The following CLIC2 variants were observed in gnomAD, a reference collection of about 807,000 sequenced individuals.
CLIC2 encodes the protein chloride intracellular channel protein 2.
In CLIC2, 9 loss-of-function variants were observed where a neutral mutation model predicts 14.8. The ratio of observed to expected loss-of-function variants is 0.61; its 90% CI spans 0.37 to 1.06. The LOEUF is 1.06. CLIC2 is among the 50% of genes least tolerant of loss of function. CLIC2 has a pLI of 0.01. For missense variants in CLIC2, 148 were observed against 181.4 expected (o/e 0.82, Z 1.06); for synonymous variants, 61 against 66.3 (o/e 0.92, Z 0.39).
At position 155,278,901 on chromosome X, in the gene CLIC2, T is replaced by C. The variant is rs2074908339; in HGVS notation, c.582+248A>G. 8.9e-6 allele frequency: 3 copies of C among 335,408 alleles called. No homozygotes were observed. In the Admixed American group the frequency reaches 1.4e-4, roughly 16 times the overall value. The allele number at this position is 335,408 out of a possible 1,213,427, so 27.6% of individuals were successfully genotyped here. ...ATAAGCCTTGATCATGCCACTGCAC[T>C]CCAACCTGGGTGACAGAGCAAGACC... On this transcript the variant is annotated intron_variant, in intron 5 of 5. Coordinates refer to ENST00000369449, the MANE Select transcript of CLIC2 (RefSeq NM_001289.6).
At chrX:155,281,703 C>A (rs2063786180) in intron 3 of CLIC2, among the ~76,000 whole-genome samples, 1 of 111,365 alleles carries the variant, frequency 9.0e-6, no homozygotes, top group African/African-American at 3.3e-5. Context: ...CTGTAACAGC[C>A]TCCTGACTAT....
chrX:155,287,198 C>G (rs781938598), intron 3 of CLIC2, among the ~76,000 whole-genome samples: 1 of 112,071 alleles, frequency 8.9e-6, no homozygotes, highest in African/African-American at 3.2e-5. Flanking sequence ...AGCCCAGCAC[C>G]ATTTATTGAA....
chrX:155,303,113 G>A (rs1557319382), intron 1 of CLIC2, among the ~76,000 whole-genome samples: 1 of 96,183 alleles, frequency 1.0e-5, no homozygotes, highest in African/African-American at 3.7e-5. Flanking sequence ...GTGCAGAGCC[G>A]AGTTCAATTC....
intron 1 of CLIC2, among the ~76,000 whole-genome samples, chrX:155,312,500 C>T (rs2075077965): frequency 9.0e-6 from 1 of 111,610 alleles, no homozygotes; most frequent in African/African-American, 3.3e-5. Flanking sequence ...TTTTTGGGCT[C>T]TCTATTCTGT....
At chrX:155,333,503 T>C (rs1403532009) in intron 1 of CLIC2, among the ~76,000 whole-genome samples, 2 of 110,505 alleles carry the variant, frequency 1.8e-5, no homozygotes, top group Non-Finnish European at 1.9e-5. Flanking sequence ...CCAGGCACAA[T>C]ATGAGTTTGT....
At chrX:155,322,445 C>T (rs2075119219) in intron 1 of CLIC2, among the ~76,000 whole-genome samples, 1 of 111,820 alleles carries the variant, frequency 8.9e-6, no homozygotes, top group East Asian at 2.8e-4. Context: ...AACAACTGCT[C>T]CTGAATGACT....
chrX:155,322,788 C>A (rs1470613738), intron 1 of CLIC2, among the ~76,000 whole-genome samples: 1 of 110,968 alleles, frequency 9.0e-6, no homozygotes, highest in Non-Finnish European at 1.9e-5. Flanking sequence ...AAAAGATGAA[C>A]AAAATAGATT....
At chrX:155,281,619 GGTCAGCTT>G (rs1557316499) in intron 3 of CLIC2, among the ~76,000 whole-genome samples, 1 of 110,483 alleles carries the variant, frequency 9.1e-6, no homozygotes, top group Non-Finnish European at 1.9e-5. Context: ...TAGCAACTCT[GGTCAGCTT>G]ACCTTTCAAA....
intron 3 of CLIC2, chrX:155,292,116 C>A (rs979848382): frequency 3.5e-6 from 2 of 565,678 alleles, no homozygotes; most frequent in South Asian, 2.2e-5. Flanking sequence ...TACTATCCAG[C>A]ATAAAATTTG....
chrX:155,297,860 C>CAAAAAAAAAAAA lies in CLIC2; in HGVS notation c.293+913_293+924dup, dbSNP rs200891873. The stretch of plus-strand genomic sequence containing the variant: ...GGGCGACAGAGCGAGACTCCGGTCT[C>CAAAAAAAAAAAA]AAAAAAAAAAAAAAAAAAAAAAAAA... On this transcript the variant is annotated intron_variant, in intron 3 of 5. Coordinates refer to ENST00000369449, the MANE Select transcript of CLIC2 (RefSeq NM_001289.6). Among the ~76,000 whole-genome samples, 11 of 5,120 alleles carry CAAAAAAAAAAAA rather than the reference C, an allele frequency of 2.1e-3. 1 individual carries two copies. The highest frequency in any genetic ancestry group is 3.9e-3 in the African/African-American group (9 of 2,319). The allele number at this position is 5,120 out of a possible 115,157, so 4.4% of individuals were successfully genotyped here.
intron 3 of CLIC2, among the ~76,000 whole-genome samples, chrX:155,280,992 T>G (rs894020677): frequency 6.4e-4 from 61 of 95,867 alleles, no homozygotes; most frequent in Non-Finnish European, 9.0e-4. Flanking sequence ...AATTGTGAGA[T>G]ATATATATAT....
intron 1 of CLIC2, among the ~76,000 whole-genome samples, chrX:155,321,138 C>G (rs1404810977): frequency 2.7e-5 from 3 of 112,088 alleles, no homozygotes; most frequent in Non-Finnish European, 5.6e-5. Flanking sequence ...GGAAAACACT[C>G]TTCAGGATAT....
intron 1 of CLIC2, among the ~76,000 whole-genome samples, chrX:155,304,868 G>T (rs1427699662): frequency 1.1e-5 from 1 of 93,940 alleles, no homozygotes; most frequent in African/African-American, 3.7e-5. Flanking sequence ...CCCTGCTGGG[G>T]GGTGCCTCCC....
chrX:155,293,044 G>C (rs2074980102), intron 3 of CLIC2: 9 of 638,008 alleles, frequency 1.4e-5, no homozygotes, highest in Non-Finnish European at 2.4e-5. Context: ...CCTGTACGAG[G>C]CCACTCTGGA....
At chrX:155,282,467 A>C (rs1306305559) in intron 3 of CLIC2, among the ~76,000 whole-genome samples, 1 of 111,116 alleles carries the variant, frequency 9.0e-6, no homozygotes, top group East Asian at 2.8e-4. Context: ...AACACAGTAA[A>C]GTCTAGCCCT....
intron 1 of CLIC2, among the ~76,000 whole-genome samples, chrX:155,324,680 A>T (rs782792886): frequency 1.1e-4 from 12 of 111,888 alleles, no homozygotes; most frequent in African/African-American, 3.6e-4. Context: ...AACCTAGGCA[A>T]TACCATTCAG....
At chrX:155,333,591 G>A (rs1203300494) in intron 1 of CLIC2, among the ~76,000 whole-genome samples, 3 of 110,756 alleles carry the variant, frequency 2.7e-5, no homozygotes, top group African/African-American at 9.8e-5. Flanking sequence ...ATGTAAGCGA[G>A]GATTTAGTAA....
At chrX:155,299,347 T>A (rs1376291148) in intron 1 of CLIC2, among the ~76,000 whole-genome samples, 1 of 110,827 alleles carries the variant, frequency 9.0e-6, no homozygotes, top group Non-Finnish European at 1.9e-5. Flanking sequence ...TACATAATAA[T>A]AATAATAAAT....
At chrX:155,330,810 G>C (rs2075154264) in intron 1 of CLIC2, among the ~76,000 whole-genome samples, 1 of 110,498 alleles carries the variant, frequency 9.0e-6, no homozygotes, top group South Asian at 3.9e-4. Flanking sequence ...TCAGGGATCT[G>C]AGGGGCTAGA....
Sources: gnomAD v4.1 joint callset for allele counts (sites outside exome capture counted in the v4.1 genomes callset) on GRCh38, gnomAD v4.1.1 for gene constraint, MANE v1.5 for transcripts, NCBI Gene and HGNC (gene_info 2026-07-23, HGNC 2026-07-21) for gene names.